The following FBXO16 variants were observed in gnomAD, a reference collection of about 807,000 sequenced individuals.
FBXO16 encodes the protein F-box only protein 16.
FBXO16 carries 31 observed loss-of-function variants against 41.0 expected under a neutral mutation model. That is an observed-to-expected ratio of 0.76 (90% confidence interval 0.57 to 1.02). The LOEUF is 1.02. Among genes scored for constraint, FBXO16 ranks in the 50% least tolerant of loss-of-function variants. FBXO16 has a pLI of 0.00. For missense variants in FBXO16, 361 were observed against 346.2 expected (o/e 1.04, Z -0.34); for synonymous variants, 133 against 117.8 (o/e 1.13, Z -0.84).
chr8:28,483,543 G>T, intron 1 of FBXO16, 81 bp from the exon 2 acceptor site: 4 of 946,880 alleles, frequency 4.2e-6, no homozygotes, highest in Non-Finnish European at 6.7e-6. Context: ...TACCAGCCAG[G>T]CACGATGGCT....
intron 2 of FBXO16, among the ~76,000 whole-genome samples, chr8:28,478,282 C>G (rs894149595): frequency 6.6e-6 from 1 of 152,082 alleles, no homozygotes; most frequent in African/African-American, 2.4e-5. Context: ...GTGATGTACT[C>G]GTTCCCCTCC....
chr8:28,428,887 G>GC, intron 8 of FBXO16, 151 bp from the exon 9 acceptor site: 1 of 897,360 alleles, frequency 1.1e-6, no homozygotes, highest in Admixed American at 3.4e-5. Context: ...ACTCCCCTCT[G>GC]CCCCCATGCA....
In FBXO16 at chr8:28,456,379, A is replaced by C. The variant is rs368340341; in HGVS notation, c.507+387T>G. On this transcript the variant is annotated intron_variant, in intron 5 of 8. Coordinates refer to ENST00000380254, the MANE Select transcript of FBXO16 (RefSeq NM_172366.4). ...AAATAAACTTCAGCTCACCTGGTAG[A>C]ATCACAGAAAATTTGAATTAGTAAA... Among the ~76,000 whole-genome samples the C allele has an allele frequency of 1.6e-4, 24 of 152,330 alleles. No individual in the cohort carries two copies. In the South Asian group the frequency reaches 5.0e-3, roughly 32 times the overall value.
chr8:28,478,874 G>A (rs1042327310), intron 2 of FBXO16, among the ~76,000 whole-genome samples: 12 of 151,960 alleles, frequency 7.9e-5, no homozygotes, highest in Non-Finnish European at 1.6e-4. Context: ...GTGGGGCCTG[G>A]TGGGAGGTGA....
rs146418264 is a variant in FBXO16 at position 28,449,969 on chromosome 8, C to CAA, written c.740+2273_740+2274dup. ...CCTGGGTGACAGAGCAAGACTGTCT[C>CAA]AAAAAAAAAAGAAAAAAAAAAAAAA... On this transcript the variant is annotated intron_variant, in intron 6 of 8. Coordinates refer to ENST00000380254, the MANE Select transcript of FBXO16 (RefSeq NM_172366.4). Among the ~76,000 whole-genome samples, 346 of 100,850 alleles carry CAA rather than the reference C, an allele frequency of 3.4e-3. 4 individuals carry two copies. The highest frequency in any genetic ancestry group is 0.011 in the African/African-American group (306 of 27,562). The allele number at this position is 100,850 out of a possible 152,430, so 66.2% of individuals were successfully genotyped here.
chr8:28,471,727 G>A (rs1803337623), intron 3 of FBXO16, among the ~76,000 whole-genome samples: 2 of 135,254 alleles, frequency 1.5e-5, no homozygotes, highest in Admixed American at 8.7e-5. Flanking sequence ...AAGCATCAAG[G>A]AATGTATAAC....
At chr8:28,442,533 G>A (rs1371564041) in intron 7 of FBXO16, among the ~76,000 whole-genome samples, 2 of 151,880 alleles carry the variant, frequency 1.3e-5, no homozygotes, top group African/African-American at 2.4e-5. Context: ...ACAGGTGCCC[G>A]CCACCACACT....
In FBXO16 at chr8:28,429,422, G is replaced by A. The variant is rs1232938881; in HGVS notation, c.844-19C>T. 1 of 1,613,800 alleles carries A rather than the reference G, an allele frequency of 6.2e-7. No individual in the cohort carries two copies. Among genetic ancestry groups the A allele is most frequent in the South Asian group, 1.1e-5 (1 of 91,080 alleles). On this transcript the variant is annotated intron_variant, in intron 7 of 8. Transcript: ENST00000380254. ...TCGACATCTGGCCGCGAGCAGGAAA[G>A]GGAAGAGAATGGAGAGAGGAAAAGA...
chr8:28,452,097 A>G (rs1174448518), intron 6 of FBXO16, 147 bp downstream of exon 6: 3 of 689,874 alleles, frequency 4.3e-6, no homozygotes, highest in Non-Finnish European at 7.1e-6. Context: ...AGTAATGGTC[A>G]GTATCCTGCT....
intron 2 of FBXO16, among the ~76,000 whole-genome samples, chr8:28,474,691 C>A (rs969637890): frequency 2.6e-5 from 4 of 152,128 alleles, no homozygotes; most frequent in Non-Finnish European, 4.4e-5. Context: ...TCTGAGCTTC[C>A]ACTTGAATAC....
At chr8:28,448,372 A>G (rs1285200515) in intron 6 of FBXO16, among the ~76,000 whole-genome samples, 2 of 151,534 alleles carry the variant, frequency 1.3e-5, no homozygotes, top group African/African-American at 4.8e-5. Flanking sequence ...AAAGAAAGAA[A>G]GAAAAGAAAA....
At position 28,450,263 on chromosome 8, in the gene FBXO16, T is replaced by C. The variant is rs184468592; in HGVS notation, c.740+1981A>G. On this transcript the variant is annotated intron_variant, in intron 6 of 8. Transcript: ENST00000380254. ...AATGGTGCTGGGGAAACGGGATATC[T>C]ACATGCAAAACAATGAAGTTGGACC... is the stretch of plus-strand genomic sequence containing the variant. Among the ~76,000 whole-genome samples, 356 of 152,260 alleles carry C rather than the reference T, an allele frequency of 2.3e-3. 2 individuals carry two copies. Among genetic ancestry groups the C allele is most frequent in the African/African-American group, 8.3e-3 (344 of 41,544 alleles).
intron 7 of FBXO16, among the ~76,000 whole-genome samples, chr8:28,444,770 G>A (rs1428228935): frequency 4.4e-5 from 6 of 136,906 alleles, no homozygotes; most frequent in Admixed American, 1.5e-4. Flanking sequence ...GTGAGCCACC[G>A]CGCCCGGACT....
At chr8:28,443,030 T>TA (rs1802805648) in intron 7 of FBXO16, among the ~76,000 whole-genome samples, 2 of 151,676 alleles carry the variant, frequency 1.3e-5, no homozygotes, top group African/African-American at 4.9e-5. Flanking sequence ...GTACTTTTTT[T>TA]TTTTTTTAGG....
At chr8:28,469,199 G>A (rs1249264689) in intron 3 of FBXO16, among the ~76,000 whole-genome samples, 1 of 151,994 alleles carries the variant, frequency 6.6e-6, no homozygotes, top group African/African-American at 2.4e-5. Context: ...TGTAATCCCA[G>A]CTACTCGGGA....
At chr8:28,471,805 CAAAAAAAA>C (rs557259701) in intron 3 of FBXO16, among the ~76,000 whole-genome samples, 1,122 of 23,734 alleles carry the variant, frequency 0.047, 23 homozygotes, top group African/African-American at 0.083. Context: ...CAGAGAATCT[CAAAAAAAA>C]AAAAAAAAAA....
chr8:28,469,244 C>T (rs1281752173), intron 3 of FBXO16, among the ~76,000 whole-genome samples: 1 of 151,268 alleles, frequency 6.6e-6, no homozygotes, highest in Non-Finnish European at 1.5e-5. Flanking sequence ...ACCTGGGAGG[C>T]GGAGGTTGTG....
At chr8:28,467,830 C>T (rs1357501466) in intron 3 of FBXO16, among the ~76,000 whole-genome samples, 1 of 152,108 alleles carries the variant, frequency 6.6e-6, no homozygotes, top group Non-Finnish European at 1.5e-5. Flanking sequence ...TACATTGGTT[C>T]CTCATTTATT....
chr8:28,434,641 C>T (rs986207588), intron 7 of FBXO16, among the ~76,000 whole-genome samples: 1 of 152,148 alleles, frequency 6.6e-6, no homozygotes, highest in Non-Finnish European at 1.5e-5. Flanking sequence ...TTAAAAAAAT[C>T]TCCCTCTCAA....
Sources: gnomAD v4.1 joint callset for allele counts (sites outside exome capture counted in the v4.1 genomes callset) on GRCh38, gnomAD v4.1.1 for gene constraint, MANE v1.5 for transcripts, NCBI Gene and HGNC (gene_info 2026-07-23, HGNC 2026-07-21) for gene names.